The following MCIDAS variants were observed in gnomAD, a reference collection of about 807,000 sequenced individuals.
The protein encoded by MCIDAS is multiciliate differentiation and DNA synthesis associated cell cycle protein.
In MCIDAS, 23 loss-of-function variants were observed where a neutral mutation model predicts 35.4. That is an observed-to-expected ratio of 0.65 (90% confidence interval 0.47 to 0.92). The LOEUF (loss-of-function observed/expected upper bound fraction) is 0.92. Among genes scored for constraint, MCIDAS ranks in the 40% least tolerant of loss-of-function variants. The pLI, the probability that MCIDAS is intolerant of heterozygous loss-of-function variation, is 0.00. For missense variants in MCIDAS, 480 were observed against 531.8 expected (o/e 0.90, Z 0.96); for synonymous variants, 228 against 235.2 (o/e 0.97, Z 0.28).
chr5:55,226,611 C>G lies in MCIDAS; in HGVS notation c.274G>C (p.Asp92His), dbSNP rs1303761846. The G allele has an allele frequency of 2.0e-6, 3 of 1,532,422 alleles. No individual in the cohort carries two copies. Among genetic ancestry groups the G allele is most frequent in the South Asian group, 1.2e-5 (1 of 83,684 alleles). 94.9% of individuals were successfully genotyped at this position (1,532,422 alleles called of 1,614,324 possible). ...GCCAGGTCACCACCAGGCGGCGCGT[C>G]GGACCCGAGTAGCGAAGAGCAGTCA... ...LADCSSLLGS[D>H]APPGGDLAAS... Residue 92 changes from aspartate (D) to histidine (H), a missense_variant, in exon 3 of 7, where the codon GAC becomes CAC. Asp to His is a moderately conservative substitution (Grantham distance 81). Transcript: ENST00000513312.
chr5:55,220,913 C>A lies in MCIDAS; in HGVS notation c.717+103G>T, dbSNP rs1199354108. On this transcript the variant is annotated intron_variant, in intron 6 of 6. Coordinates refer to ENST00000513312, the MANE Select transcript of MCIDAS (RefSeq NM_001190787.3). The stretch of plus-strand genomic sequence containing the variant: ...GCTACGCACCACGCACTCAGCGGTA[C>A]TCTCCTCTCCCGGGCCCCCACGGGT... 25 of 1,450,764 alleles carry A rather than the reference C, an allele frequency of 1.7e-5. No individual in the cohort carries two copies. In the South Asian group the frequency reaches 3.0e-4, roughly 17 times the overall value. 89.9% of individuals were successfully genotyped at this position (1,450,764 alleles called of 1,614,324 possible).
intron 2 of MCIDAS, 63 bp downstream of exon 2, chr5:55,226,772 G>T (rs1490356754): frequency 3.6e-6 from 5 of 1,394,102 alleles, no homozygotes; most frequent in East Asian, 5.9e-5. Context: ...CCTCCGAGCT[G>T]TGCGCGCCGC....
At position 55,223,161 on chromosome 5, in the gene MCIDAS, G is replaced by GT. The variant is rs1745393513; in HGVS notation, c.310-139dup. On this transcript the variant is annotated intron_variant, in intron 3 of 6. Transcript: ENST00000513312. This position sits in a 1 kb window ranked among gnomAD's most constrained non-coding sequence, Gnocchi z 4.4. The stretch of plus-strand genomic sequence containing the variant: ...AACACAACTGCACTTGTACCCCTAA[G>GT]TCCCCCCAAATAAAACAATTTTTGT... The GT allele has an allele frequency of 1.5e-6, 1 of 687,120 alleles. No individual in the cohort carries two copies. The highest frequency in any genetic ancestry group is 1.9e-5 in the South Asian group (1 of 53,570). 42.6% of individuals were successfully genotyped at this position (687,120 alleles called of 1,614,324 possible). A position where few individuals can be genotyped will look rare whatever the true frequency, so the allele number is the denominator to read the frequency against.
chr5:55,220,600 C>A lies in MCIDAS; in HGVS notation c.924G>T (p.Glu308Asp). The change falls in exon 7 of 7, where the codon GAG (glutamate) becomes GAT (aspartate). Residue 308 changes from glutamate (E) to aspartate (D), a missense_variant. Glu to Asp is a conservative substitution (Grantham distance 45). Transcript: ENST00000513312. Reference protein sequence around the residue: ...RDPKRPRLLPEPANTDTRPGN... With the variant: ...RDPKRPRLLPDPANTDTRPGN... ...CGGGCCTGGTGTCAGTATTCGCGGG[C>A]TCTGGCAGCAGTCGGGGCCGCTTGG... 1 of 1,536,098 alleles carries A rather than the reference C, an allele frequency of 6.5e-7. No homozygotes were observed. Among genetic ancestry groups the A allele is most frequent in the Non-Finnish European group, 8.7e-7 (1 of 1,146,880 alleles).
rs916734796 is a variant in MCIDAS at position 55,227,291 on chromosome 5, C to G, written c.-153G>C. On this transcript the variant is annotated 5_prime_UTR_variant, in exon 1 of 7. Transcript: ENST00000513312. ...GACCGAGAAGGAGCCGAGGGGCTGC[C>G]GAGGAGGTGCTGAGAGATGGCGGGG... 6 of 1,055,760 alleles carry G rather than the reference C, an allele frequency of 5.7e-6. No individual in the cohort carries two copies. The highest frequency in any genetic ancestry group is 3.4e-5 in the African/African-American group (2 of 59,618). The allele number at this position is 1,055,760 out of a possible 1,614,324, so 65.4% of individuals were successfully genotyped here.
rs1745338903 is a variant in MCIDAS at position 55,220,747 on chromosome 5, C to G, written c.777G>C (p.Lys259Asn). 8 of 1,535,292 alleles carry G rather than the reference C, an allele frequency of 5.2e-6. No individual in the cohort carries two copies. Among genetic ancestry groups the G allele is most frequent in the Non-Finnish European group, 7.0e-6 (8 of 1,146,204 alleles). ...CGAAAEPFLL[K>N]AKAKRSLEEL... ...CCTCCAGGCTCCTTTTGGCCTTCGC[C>G]TTGAGCAGGAAGGGCTCGGCCGCCG... The change falls in exon 7 of 7, where the codon AAG (lysine) becomes AAC (asparagine). Residue 259 changes from lysine to asparagine, a missense_variant. By Grantham distance (94) the Lys-to-Asn change is moderately conservative. Coordinates refer to ENST00000513312, the MANE Select transcript of MCIDAS (RefSeq NM_001190787.3).
At chr5:55,226,074 G>A (rs1173957181) in intron 3 of MCIDAS, among the ~76,000 whole-genome samples, 2 of 152,184 alleles carry the variant, frequency 1.3e-5, no homozygotes, top group East Asian at 1.9e-4. Context: ...AGAGTCCTTT[G>A]TCCTTCCTGC....
chr5:55,222,769 A>T (rs548290389), intron 4 of MCIDAS, among the ~76,000 whole-genome samples, 182 bp downstream of exon 4: 8 of 152,222 alleles, frequency 5.3e-5, no homozygotes, highest in Non-Finnish European at 1.2e-4. Context: ...CAGCGGTTCG[A>T]CTTCTCCACG....
At position 55,220,472 on chromosome 5, in the gene MCIDAS, C is replaced by T. The variant is rs1745330973; in HGVS notation, c.1052G>A (p.Arg351His). The T allele has an allele frequency of 6.5e-7, 1 of 1,535,976 alleles. No individual in the cohort carries two copies. Among genetic ancestry groups the T allele is most frequent in the Non-Finnish European group, 8.7e-7 (1 of 1,146,898 alleles). ...ELEEGGSFST[R>H]IRSHSTIRTL... ...GCGGATGGTGCTGTGGCTGCGGATG[C>T]GGGTGCTGAAGGAGCCGCCCTCCTC... The change falls in exon 7 of 7, where the codon CGC becomes CAC. Residue 351 changes from arginine (R) to histidine (H), a missense_variant. Coordinates refer to ENST00000513312, the MANE Select transcript of MCIDAS (RefSeq NM_001190787.3).
rs540019843 is a variant in MCIDAS at position 55,221,924 on chromosome 5, CA to C, written c.606+251del. ...TGGGCGACAGAGCGAGACTCCGTCT[CA>C]AAAAAAAAATGAATAAATAAATAAA... is the stretch of plus-strand genomic sequence containing the variant. On this transcript the variant is annotated intron_variant, in intron 5 of 6. Transcript: ENST00000513312. Among the ~76,000 whole-genome samples, 229 of 139,832 alleles carry C rather than the reference CA, an allele frequency of 1.6e-3. 1 individual carries two copies. The highest frequency in any genetic ancestry group is 5.2e-3 in the African/African-American group (196 of 37,906). 91.7% of individuals were successfully genotyped at this position (139,832 alleles called of 152,430 possible). A position where few individuals can be genotyped will look rare whatever the true frequency, so the allele number is the denominator to read the frequency against.
At position 55,220,656 on chromosome 5, in the gene MCIDAS, G is replaced by A; in HGVS notation, c.868C>T (p.Arg290Cys). Residue 290 changes from arginine (R) to cysteine (C), a missense_variant, in exon 7 of 7, where the codon CGC becomes TGC. Physicochemically the swap from Arg to Cys is radical, Grantham distance 180. Transcript: ENST00000513312. ...VDAILREISE[R>C]CDEALQSRDP... The stretch of plus-strand genomic sequence containing the variant: ...CGGCTCTGAAGGGCTTCATCGCAGC[G>A]CTCGGAAATCTCCCTCAGGATGGCG... 1.3e-6 allele frequency: 2 copies of A among 1,536,092 alleles called. No individual in the cohort carries two copies. The highest frequency in any genetic ancestry group is 1.7e-6 in the Non-Finnish European group (2 of 1,146,862).
At chr5:55,220,850 C>T in intron 6 of MCIDAS, 44 bp from the exon 7 acceptor site, 1 of 1,499,960 alleles carries the variant, frequency 6.7e-7, no homozygotes, top group Non-Finnish European at 8.9e-7. Flanking sequence ...CCTGCCGGAC[C>T]CTCCGGGTTC....
chr5:55,225,296 A>G (rs1271322444), intron 3 of MCIDAS, among the ~76,000 whole-genome samples: 1 of 152,264 alleles, frequency 6.6e-6, no homozygotes, highest in African/African-American at 2.4e-5. Flanking sequence ...CTACAAATGC[A>G]AGAAAAAAAT....
At chr5:55,220,949 G>T in intron 6 of MCIDAS, 67 bp downstream of exon 6, 1 of 1,463,940 alleles carries the variant, frequency 6.8e-7, no homozygotes, top group South Asian at 1.3e-5. Context: ...CCCGATGCTG[G>T]GCGGGGATGC....
intron 3 of MCIDAS, among the ~76,000 whole-genome samples, chr5:55,225,439 T>G (rs1228967836): frequency 6.6e-6 from 1 of 152,202 alleles, no homozygotes; most frequent in African/African-American, 2.4e-5. Flanking sequence ...CTGGGTCAGT[T>G]GGAAGATACT....
chr5:55,227,170 G>C lies in MCIDAS; in HGVS notation c.-32C>G, dbSNP rs1024209292. 9.0e-5 allele frequency: 127 copies of C among 1,409,262 alleles called. No individual in the cohort carries two copies. Among genetic ancestry groups the C allele is most frequent in the Admixed American group, 8.1e-4 (26 of 32,284 alleles). 87.3% of individuals were successfully genotyped at this position (1,409,262 alleles called of 1,614,324 possible). ...TCCTGCCTCCGGGTGCCGACTGCTC[G>C]GAGGCGGCGGCCCGGGCTGGGGCAG... On this transcript the variant is annotated 5_prime_UTR_variant, in exon 1 of 7. Transcript: ENST00000513312.
Position 55,220,749 on chromosome 5 carries a change from T to C in MCIDAS, c.775A>G (p.Lys259Glu). 1 of 1,535,182 alleles carries C rather than the reference T, an allele frequency of 6.5e-7. No individual in the cohort carries two copies. The highest frequency in any genetic ancestry group is 1.4e-5 in the African/African-American group (1 of 73,156). ...TCCAGGCTCCTTTTGGCCTTCGCCT[T>C]GAGCAGGAAGGGCTCGGCCGCCGCC... is the stretch of plus-strand genomic sequence containing the variant. Reference protein sequence around the residue: ...CGAAAEPFLLKAKAKRSLEEL... With the variant: ...CGAAAEPFLLEAKAKRSLEEL... Residue 259 changes from lysine to glutamate, a missense_variant, in exon 7 of 7, where the codon AAG (lysine) becomes GAG (glutamate). By Grantham distance (56) the Lys-to-Glu change is moderately conservative. Coordinates refer to ENST00000513312, the MANE Select transcript of MCIDAS (RefSeq NM_001190787.3).
At chr5:55,224,887 T>C (rs1311217909) in intron 3 of MCIDAS, among the ~76,000 whole-genome samples, 1 of 152,170 alleles carries the variant, frequency 6.6e-6, no homozygotes, top group East Asian at 1.9e-4. Context: ...TTTTGGTCCA[T>C]CTGATGTGAG....
rs960664978 is a variant in MCIDAS at position 55,219,970 on chromosome 5, G to T, written c.*396C>A. 1 of 162,152 alleles carries T rather than the reference G, an allele frequency of 6.2e-6. No individual in the cohort carries two copies. The highest frequency in any genetic ancestry group is 1.3e-5 in the Non-Finnish European group (1 of 74,156). 10.0% of individuals were successfully genotyped at this position (162,152 alleles called of 1,614,324 possible). A position where few individuals can be genotyped will look rare whatever the true frequency, so the allele number is the denominator to read the frequency against. On this transcript the variant is annotated 3_prime_UTR_variant, in exon 7 of 7. Coordinates refer to ENST00000513312, the MANE Select transcript of MCIDAS (RefSeq NM_001190787.3). ...AAGTGACTAGTTAAAGTGATTGAAA[G>T]GTTCCAGTGTTTCCCATTGCAGGAA... is the stretch of plus-strand genomic sequence containing the variant.
Sources: allele counts gnomAD v4.1 joint callset (sites outside exome capture counted in the v4.1 genomes callset), GRCh38; gene constraint gnomAD v4.1.1; non-coding constraint Gnocchi (gnomAD v3.1); transcripts MANE v1.5; gene names NCBI Gene and HGNC (gene_info 2026-07-23, HGNC 2026-07-21).